The following MTMR3 variants were observed in gnomAD, a reference collection of about 807,000 sequenced individuals.
MTMR3 encodes the protein phosphatidylinositol-3,5-bisphosphate 3-phosphatase MTMR3.
MTMR3 carries 32 observed loss-of-function variants against 132.4 expected under a neutral mutation model. The observed-to-expected ratio is 0.24, with a 90% confidence interval of 0.18 to 0.32. MTMR3 has a LOEUF of 0.32. Among genes scored for constraint, MTMR3 ranks in the 10% least tolerant of loss-of-function variants. MTMR3 has a pLI of 1.00. For synonymous variants in MTMR3, 556 were observed against 550.3 expected (o/e 1.01, Z -0.14); for missense variants, 1,216 against 1,489.6 (o/e 0.82, Z 3.02).
At chr22:29,891,082 G>A (rs1872513085) in intron 1 of MTMR3, among the ~76,000 whole-genome samples, 3 of 150,928 alleles carry the variant, frequency 2.0e-5, no homozygotes, top group Non-Finnish European at 4.4e-5. Flanking sequence ...AAAATTGATA[G>A]GACTTCGTGT....
chr22:29,926,038 G>T (rs913522290), intron 1 of MTMR3, among the ~76,000 whole-genome samples: 35 of 152,292 alleles, frequency 2.3e-4, no homozygotes, highest in African/African-American at 8.2e-4. Flanking sequence ...CCCTGTAGCA[G>T]TTATTCCACT....
At position 30,022,717 on chromosome 22, in the gene MTMR3, G is replaced by A; in HGVS notation, c.3425+20G>A. ...CTGCAGGTACCATTGAGGGGCTGTG[G>A]TAGGGTGGGCTGTGTGTGGAGGTTG... On this transcript the variant is annotated intron_variant, in intron 19 of 19. Coordinates refer to ENST00000401950, the MANE Select transcript of MTMR3 (RefSeq NM_021090.4). The A allele has an allele frequency of 3.1e-6, 5 of 1,597,296 alleles. No individual in the cohort carries two copies. The highest frequency in any genetic ancestry group is 2.2e-5 in the East Asian group (1 of 44,744).
At chr22:29,954,718 T>C (rs1045786842) in intron 1 of MTMR3, among the ~76,000 whole-genome samples, 1 of 152,188 alleles carries the variant, frequency 6.6e-6, no homozygotes. Context: ...GATATAGTGA[T>C]TTTCCTGAAT....
In MTMR3 at chr22:30,020,338, C is replaced by G; in HGVS notation, c.2679C>G (p.Pro893=). The G allele has an allele frequency of 6.2e-7, 1 of 1,614,186 alleles. No homozygotes were observed. The highest frequency in any genetic ancestry group is 8.5e-7 in the Non-Finnish European group (1 of 1,180,036). The change falls in exon 17 of 20, where the codon CCC becomes CCG. Residue 893 remains proline, a synonymous_variant. Coordinates refer to ENST00000401950, the MANE Select transcript of MTMR3 (RefSeq NM_021090.4). ...SPSETSLVER[P]QVGSVVHRTS... ...CAGAGACAAGCCTGGTCGAGAGGCC[C>G]CAAGTGGGGTCTGTGGTGCATAGGA...
chr22:30,023,431 C>G, intron 19 of MTMR3: 2 of 1,614,202 alleles, frequency 1.2e-6, no homozygotes, highest in Non-Finnish European at 1.7e-6. Flanking sequence ...GGCTTCTCTT[C>G]TGAGCTCTTT....
Position 30,019,868 on chromosome 22 carries a change from A to T in MTMR3, c.2209A>T (p.Ile737Phe), listed in dbSNP as rs1484206811. 1.2e-6 allele frequency: 2 copies of T among 1,614,052 alleles called. No homozygotes were observed. The highest frequency in any genetic ancestry group is 2.7e-5 in the African/African-American group (2 of 74,916). The stretch of plus-strand genomic sequence containing the variant: ...GAGGAAGACACCTGAGGCCTCAGCC[A>T]TTGGACTTCACCAAGACCCAGAACT... ...SRRKTPEASA[I>F]GLHQDPELGD... is the part of the protein sequence containing the mutation. Residue 737 changes from isoleucine (I) to phenylalanine (F), a missense_variant, in exon 17 of 20, where the codon ATT becomes TTT. By Grantham distance (21) the Ile-to-Phe change is conservative. Transcript: ENST00000401950.
chr22:29,899,412 A>C (rs1403928782), intron 1 of MTMR3, among the ~76,000 whole-genome samples: 1 of 152,194 alleles, frequency 6.6e-6, no homozygotes, highest in Non-Finnish European at 1.5e-5. Flanking sequence ...GAATATGTTT[A>C]TTCTGTAAGT....
rs530275611 is a variant in MTMR3 at position 30,030,355 on chromosome 22, T to G, written c.*4554T>G. The G allele has an allele frequency of 1.3e-5, 2 of 152,086 alleles. No individual in the cohort carries two copies. The highest frequency in any genetic ancestry group is 2.9e-5 in the Non-Finnish European group (2 of 67,996). 9.4% of individuals were successfully genotyped at this position (152,086 alleles called of 1,614,324 possible). The stretch of plus-strand genomic sequence containing the variant: ...AACTAGCTTATAAGATTTTTTTTTT[T>G]AATGAAAACATAACCCATGAGGCTC... On this transcript the variant is annotated 3_prime_UTR_variant, in exon 20 of 20. Transcript: ENST00000401950.
At chr22:29,906,282 G>A (rs35284398) in intron 1 of MTMR3, among the ~76,000 whole-genome samples, 16,033 of 87,324 alleles carry the variant, frequency 0.18, 931 homozygotes, top group East Asian at 0.32. Flanking sequence ...CTGTCTGTCT[G>A]TCTGTCTATC....
intron 8 of MTMR3, chr22:30,001,571 C>T (rs950511757): frequency 2.0e-5 from 3 of 152,156 alleles, no homozygotes; most frequent in African/African-American, 7.2e-5. Flanking sequence ...AGTTATACCT[C>T]AGAACCAGTC....
At chr22:29,890,529 A>G (rs918298871) in intron 1 of MTMR3, among the ~76,000 whole-genome samples, 1 of 152,054 alleles carries the variant, frequency 6.6e-6, no homozygotes, top group African/African-American at 2.4e-5. Context: ...AAAGAAAAAA[A>G]AAAGTGGGAT....
rs1238799922 is a variant in MTMR3, at chr22:30,028,271, A to T, written c.*2470A>T. 6.6e-6 allele frequency: 1 copy of T among 152,374 alleles called. No homozygotes were observed. The highest frequency in any genetic ancestry group is 1.5e-5 in the Non-Finnish European group (1 of 68,098). 9.4% of individuals were successfully genotyped at this position (152,374 alleles called of 1,614,324 possible). On this transcript the variant is annotated 3_prime_UTR_variant, in exon 20 of 20. Coordinates refer to ENST00000401950, the MANE Select transcript of MTMR3 (RefSeq NM_021090.4). Reference sequence around the variant, plus strand: ...TGGAAGGAGATGTGGGGTGGGGGTGAGAAAATGCTTCTGCCTGTTGTTCTT... The same window carrying T: ...TGGAAGGAGATGTGGGGTGGGGGTGTGAAAATGCTTCTGCCTGTTGTTCTT...
chr22:29,983,483 G>A (rs1181580367), intron 5 of MTMR3: 4 of 151,930 alleles, frequency 2.6e-5, no homozygotes, highest in Admixed American at 6.6e-5. Context: ...ACCCTGCTGC[G>A]AAGGAGGTTA....
chr22:29,934,790 TGGCACC>T (rs1229424991), intron 1 of MTMR3, among the ~76,000 whole-genome samples: 1 of 152,170 alleles, frequency 6.6e-6, no homozygotes, highest in East Asian at 1.9e-4. Flanking sequence ...GTGGGTTAAG[TGGCACC>T]TCCTTCAACA....
chr22:29,950,450 G>A (rs1015510148), intron 1 of MTMR3, among the ~76,000 whole-genome samples: 6 of 151,700 alleles, frequency 4.0e-5, no homozygotes, highest in Non-Finnish European at 8.8e-5. Flanking sequence ...TGCAACCTCC[G>A]CCTCCTGGGT....
chr22:29,978,766 A>G (rs2066680839), intron 4 of MTMR3, among the ~76,000 whole-genome samples, 170 bp from the exon 5 acceptor site: 1 of 152,114 alleles, frequency 6.6e-6, no homozygotes, highest in Admixed American at 6.5e-5. Context: ...AACTAGATAT[A>G]TTTGAATTAG....
chr22:29,982,728 C>G (rs1310814006), intron 5 of MTMR3: 1 of 152,164 alleles, frequency 6.6e-6, no homozygotes, highest in African/African-American at 2.4e-5. Flanking sequence ...AACATCATTA[C>G]TTTAATTCAC....
At chr22:29,908,412 C>A (rs144500027) in intron 1 of MTMR3, among the ~76,000 whole-genome samples, 22 of 152,302 alleles carry the variant, frequency 1.4e-4, no homozygotes, top group Non-Finnish European at 2.4e-4. Context: ...CAGACCCTTT[C>A]CTTACTAGCA....
intron 3 of MTMR3, among the ~76,000 whole-genome samples, chr22:29,974,361 C>T (rs2145877552): frequency 6.6e-6 from 1 of 152,306 alleles, no homozygotes; most frequent in South Asian, 2.1e-4. Context: ...CACCAGTCCC[C>T]TAGATTCAAT....
Sources: gnomAD v4.1 joint callset for allele counts (sites outside exome capture counted in the v4.1 genomes callset) on GRCh38, gnomAD v4.1.1 for gene constraint, MANE v1.5 for transcripts, NCBI Gene and HGNC (gene_info 2026-07-23, HGNC 2026-07-21) for gene names.